Variants in ST8SIA1 observed in about 807,000 individuals in gnomAD.
The protein encoded by ST8SIA1 is ST8 alpha-N-acetyl-neuraminide alpha-2,8-sialyltransferase 1, also known as alpha-N-acetylneuraminide alpha-2,8-sialyltransferase.
ST8SIA1 carries 16 observed loss-of-function variants against 35.9 expected under a neutral mutation model. The observed-to-expected ratio is 0.45, with a 90% confidence interval of 0.30 to 0.68. The LOEUF is 0.68. Among genes scored for constraint, ST8SIA1 ranks in the 30% least tolerant of loss-of-function variants. ST8SIA1 has a pLI of 0.09. For missense variants in ST8SIA1, 383 were observed against 453.6 expected, an observed-to-expected ratio of 0.84 and a Z score of 1.41; for synonymous variants, 170 against 169.6, an observed-to-expected ratio of 1.00 and a Z score of -0.02.
chr12:22,333,788 T>C (rs1025966152), intron 1 of ST8SIA1: 2 of 760,868 alleles, frequency 2.6e-6, no homozygotes, highest in African/African-American at 3.4e-5. Context: ...AGCAGGTGTC[T>C]GCACATCTCT....
intron 2 of ST8SIA1, among the ~76,000 whole-genome samples, chr12:22,276,821 G>A (rs1477208322): frequency 6.6e-6 from 1 of 151,608 alleles, no homozygotes; most frequent in African/African-American, 2.4e-5. Context: ...AAAAAGAGAT[G>A]CTGTTGAACA....
chr12:22,205,474 T>C (rs988262383), intron 4 of ST8SIA1, among the ~76,000 whole-genome samples: 6 of 152,248 alleles, frequency 3.9e-5, no homozygotes, highest in African/African-American at 1.4e-4. Context: ...AGGAATTGAA[T>C]ACATGATAAT....
chr12:22,277,281 G>A (rs74070109), intron 2 of ST8SIA1, among the ~76,000 whole-genome samples: 14,071 of 151,898 alleles, frequency 0.093, 792 homozygotes, highest in East Asian at 0.15. Context: ...GTTAAGAGAT[G>A]TCACACACAC....
rs928862076 is a variant in ST8SIA1 at position 22,255,265 on chromosome 12, G to A, written c.491+15C>T. ...GAGAGAAGGCAGAGGCCGCGCTGTG[G>A]GTGCTCTCTCTTACCGCATGACAAA... On this transcript the variant is annotated intron_variant, in intron 3 of 4. Coordinates refer to ENST00000396037, the MANE Select transcript of ST8SIA1 (RefSeq NM_003034.4). The A allele has an allele frequency of 2.5e-6, 4 of 1,606,802 alleles. No homozygotes were observed. The highest frequency in any genetic ancestry group is 1.1e-5 in the South Asian group (1 of 90,952).
At chr12:22,314,402 C>T (rs1304230394) in intron 1 of ST8SIA1, among the ~76,000 whole-genome samples, 2 of 152,160 alleles carry the variant, frequency 1.3e-5, no homozygotes, top group African/African-American at 4.8e-5. Context: ...ACTTTTCAGT[C>T]ACCAGAGCAT....
intron 1 of ST8SIA1, among the ~76,000 whole-genome samples, chr12:22,333,393 A>G (rs1396868875): frequency 6.6e-6 from 1 of 152,244 alleles, no homozygotes; most frequent in Non-Finnish European, 1.5e-5. Context: ...GTGGTCAACA[A>G]GATGAGATAA....
chr12:22,202,242 T>G (rs955767790), intron 4 of ST8SIA1, among the ~76,000 whole-genome samples: 1 of 152,174 alleles, frequency 6.6e-6, no homozygotes, highest in Non-Finnish European at 1.5e-5. Context: ...GACCCCAACT[T>G]CTTAAAACGC....
rs995618253 is a variant in ST8SIA1 at position 22,260,301 on chromosome 12, A to G, written c.382-4912T>C. Among the ~76,000 whole-genome samples the G allele has an allele frequency of 2.6e-5, 4 of 152,088 alleles. No homozygotes were observed. In the South Asian group the frequency reaches 8.3e-4, roughly 32 times the overall value. ...CTCAGCTTCCCAAGTAGCTGGAACTATAGGTGCATGCCACCACACACAGCT... is the reference window on the plus strand; with the variant it reads ...CTCAGCTTCCCAAGTAGCTGGAACTGTAGGTGCATGCCACCACACACAGCT... On this transcript the variant is annotated intron_variant, in intron 2 of 4. Coordinates refer to ENST00000396037, the MANE Select transcript of ST8SIA1 (RefSeq NM_003034.4).
rs374993744 is a variant in ST8SIA1 at position 22,287,887 on chromosome 12, A to G, written c.237-594T>C. On this transcript the variant is annotated intron_variant, in intron 1 of 4. Transcript: ENST00000396037. ...ATGTGATCTCAGACACTGGAGAGCA[A>G]CCTACCTTCTCACTGCTAAACCTCA... Among the ~76,000 whole-genome samples the G allele has an allele frequency of 5.6e-4, 86 of 152,312 alleles. 1 individual carries two copies. Among genetic ancestry groups the G allele is most frequent in the Non-Finnish European group, 1.1e-3 (75 of 68,022 alleles).
At chr12:22,260,351 G>A (rs1405451579) in intron 2 of ST8SIA1, among the ~76,000 whole-genome samples, 3 of 151,948 alleles carry the variant, frequency 2.0e-5, no homozygotes, top group Non-Finnish European at 4.4e-5. Flanking sequence ...TTGTAGAGAC[G>A]AGATTTCGCC....
chr12:22,245,614 C>T (rs1267734373), intron 4 of ST8SIA1, among the ~76,000 whole-genome samples: 2 of 152,204 alleles, frequency 1.3e-5, no homozygotes, highest in African/African-American at 2.4e-5. Context: ...ATTTGATCTT[C>T]GACTTCGTAA....
chr12:22,291,067 C>A (rs185497468), intron 1 of ST8SIA1, among the ~76,000 whole-genome samples: 1 of 152,132 alleles, frequency 6.6e-6, no homozygotes, highest in Non-Finnish European at 1.5e-5. Context: ...TAAATACTTA[C>A]GAAGCCTGGG....
intron 2 of ST8SIA1, among the ~76,000 whole-genome samples, chr12:22,280,966 A>G (rs1388342848): frequency 6.6e-6 from 1 of 152,230 alleles, no homozygotes; most frequent in Non-Finnish European, 1.5e-5. Context: ...CAAAGACTGT[A>G]ACATTCTCTG....
chr12:22,214,044 G>A (rs1865205724), intron 4 of ST8SIA1, among the ~76,000 whole-genome samples: 1 of 152,190 alleles, frequency 6.6e-6, no homozygotes, highest in Admixed American at 6.5e-5. Flanking sequence ...ATGGTTTGAA[G>A]AGAAAGACTA....
intron 1 of ST8SIA1, among the ~76,000 whole-genome samples, chr12:22,312,582 T>C (rs772007813): frequency 6.6e-6 from 1 of 152,122 alleles, no homozygotes; most frequent in Non-Finnish European, 1.5e-5. Context: ...ATCATTAGTG[T>C]TATGGGGACT....
intron 1 of ST8SIA1, among the ~76,000 whole-genome samples, chr12:22,289,029 T>A (rs564514913): frequency 1.3e-5 from 2 of 152,144 alleles, no homozygotes. Flanking sequence ...AACAGGCATG[T>A]GCCACCATGC....
chr12:22,246,333 C>T (rs1393135326), intron 4 of ST8SIA1, among the ~76,000 whole-genome samples: 1 of 152,140 alleles, frequency 6.6e-6, no homozygotes, highest in Non-Finnish European at 1.5e-5. Context: ...CAGAAGTTTT[C>T]TATGTTGATT....
chr12:22,249,119 A>ATG, intron 3 of ST8SIA1, 21 bp from the exon 4 acceptor site: 2 of 1,511,066 alleles, frequency 1.3e-6, no homozygotes, highest in Non-Finnish European at 1.8e-6. Context: ...AAGAACAAAC[A>ATG]TTTTGGAACA....
intron 2 of ST8SIA1, among the ~76,000 whole-genome samples, chr12:22,258,003 C>T (rs1208834734): frequency 2.6e-5 from 4 of 151,650 alleles, no homozygotes; most frequent in Admixed American, 6.6e-5. Context: ...TTTGGTGACT[C>T]CAGAATATGT....
Sources: allele counts gnomAD v4.1 joint callset (sites outside exome capture counted in the v4.1 genomes callset), GRCh38; gene constraint gnomAD v4.1.1; transcripts MANE v1.5; gene names NCBI Gene and HGNC (gene_info 2026-07-23, HGNC 2026-07-21).